The following SOX5 variants were observed in gnomAD, a reference collection of about 807,000 sequenced individuals.
SOX5 encodes transcription factor SOX-5.
In SOX5, 9 loss-of-function variants were observed where a neutral mutation model predicts 92.0. The observed-to-expected ratio is 0.10, with a 90% confidence interval of 0.06 to 0.17. The LOEUF (loss-of-function observed/expected upper bound fraction) is 0.17. SOX5 is among the 10% of genes least tolerant of loss of function. The pLI is 1.00. For missense variants in SOX5, 642 were observed against 944.5 expected (o/e 0.68, Z 4.20); for synonymous variants, 344 against 336.3 (o/e 1.02, Z -0.25).
At chr12:24,170,957 A>G (rs890442532) in intron 4 of SOX5, among the ~76,000 whole-genome samples, 3 of 152,130 alleles carry the variant, frequency 2.0e-5, no homozygotes, top group Admixed American at 6.5e-5. Flanking sequence ...GTGGCTTAGC[A>G]AATAGCTATC....
At chr12:23,870,857 T>C (rs902914359) in intron 2 of SOX5, among the ~76,000 whole-genome samples, 9 of 152,182 alleles carry the variant, frequency 5.9e-5, no homozygotes, top group African/African-American at 2.2e-4. Context: ...AGATTTACTA[T>C]GATGTAGTTT....
intron 3 of SOX5, among the ~76,000 whole-genome samples, chr12:23,763,146 G>C (rs2094610684): frequency 1.3e-5 from 2 of 152,078 alleles, no homozygotes; most frequent in African/African-American, 4.8e-5. Context: ...TAAGTTTTGT[G>C]CCCTTTGGCA....
chr12:23,573,214 T>G (rs1948633253), intron 10 of SOX5, among the ~76,000 whole-genome samples: 1 of 152,226 alleles, frequency 6.6e-6, no homozygotes, highest in Non-Finnish European at 1.5e-5. Flanking sequence ...TTTTAAAACC[T>G]GTCTCTACTT....
At chr12:23,997,794 G>C (rs964412402) in intron 4 of SOX5, among the ~76,000 whole-genome samples, 1 of 152,092 alleles carries the variant, frequency 6.6e-6, no homozygotes, top group Non-Finnish European at 1.5e-5. Context: ...ACCCTAGGAA[G>C]ACAGATTTTA....
chr12:24,361,652 TGCACGTGCGCAC>T (rs1477810570), intron 2 of SOX5, among the ~76,000 whole-genome samples: 1 of 151,698 alleles, frequency 6.6e-6, no homozygotes, highest in Non-Finnish European at 1.5e-5. Flanking sequence ...TGTGTGCGCA[TGCACGTGCGCAC>T]ACGCACATGT....
intron 1 of SOX5, among the ~76,000 whole-genome samples, chr12:24,490,888 A>G (rs563985692): frequency 1.3e-5 from 2 of 152,278 alleles, no homozygotes; most frequent in East Asian, 3.9e-4. Flanking sequence ...TCTAAAACAC[A>G]TGGCTAAAAA....
At chr12:23,769,653 A>G (rs889751812) in intron 3 of SOX5, among the ~76,000 whole-genome samples, 89 of 152,294 alleles carry the variant, frequency 5.8e-4, no homozygotes, top group African/African-American at 2.1e-3. Context: ...AGATGATAAG[A>G]TATATGTTGA....
intron 4 of SOX5, among the ~76,000 whole-genome samples, chr12:24,062,220 CA>C (rs35119116): frequency 6.6e-6 from 1 of 152,136 alleles, no homozygotes; most frequent in East Asian, 1.9e-4. Flanking sequence ...CCTCTCACTT[CA>C]AAAATCTATT....
intron 4 of SOX5, among the ~76,000 whole-genome samples, chr12:24,189,635 G>C (rs1056325095): frequency 3.3e-5 from 5 of 152,056 alleles, no homozygotes; most frequent in Admixed American, 2.0e-4. Flanking sequence ...ATATAGCAAG[G>C]CCCACAATTC....
At chr12:23,569,299 G>T (rs536648209) in intron 10 of SOX5, among the ~76,000 whole-genome samples, 24 of 152,204 alleles carry the variant, frequency 1.6e-4, no homozygotes, top group African/African-American at 4.6e-4. Flanking sequence ...AGTGCTTCAA[G>T]AAACATTTCA....
In SOX5 at chr12:23,875,334, G is replaced by A. The variant is rs184932640; in HGVS notation, c.270+20459C>T. On this transcript the variant is annotated intron_variant, in intron 2 of 14. Coordinates refer to ENST00000451604, the MANE Select transcript of SOX5 (RefSeq NM_006940.6). ...GAAAACTGTTTGTTTGTATCATTAG[G>A]AAAGTTGGCTGCTGAAAGGTTTTCA... 1.5e-3 allele frequency among the ~76,000 whole-genome samples: 232 copies of A among 152,264 alleles called. 1 individual carries two copies. The highest frequency in any genetic ancestry group is 5.4e-3 in the African/African-American group (225 of 41,560).
At chr12:23,611,913 G>T (rs2076008212) in intron 8 of SOX5, among the ~76,000 whole-genome samples, 2 of 148,524 alleles carry the variant, frequency 1.3e-5, no homozygotes, top group South Asian at 4.2e-4. Context: ...GGCACAAAAG[G>T]CATTTTAAAT....
intron 1 of SOX5, among the ~76,000 whole-genome samples, chr12:23,913,775 T>C (rs1337571063): frequency 6.6e-6 from 1 of 150,442 alleles, no homozygotes; most frequent in Non-Finnish European, 1.5e-5. Flanking sequence ...AAGCACTGAA[T>C]AGATTGACAA....
intron 3 of SOX5, among the ~76,000 whole-genome samples, chr12:23,764,016 G>C (rs1249831054): frequency 2.6e-5 from 4 of 152,030 alleles, no homozygotes; most frequent in African/African-American, 9.7e-5. Flanking sequence ...TCAGCAGCAT[G>C]TGGGTGGGGA....
chr12:23,598,657 C>T (rs1952901183), intron 9 of SOX5, among the ~76,000 whole-genome samples: 1 of 151,996 alleles, frequency 6.6e-6, no homozygotes, highest in South Asian at 2.1e-4. Context: ...CCTCGGCCTC[C>T]CAAAGTGCTG....
At chr12:24,426,975 C>T (rs527680121) in intron 1 of SOX5, among the ~76,000 whole-genome samples, 1 of 152,214 alleles carries the variant, frequency 6.6e-6, no homozygotes, top group South Asian at 2.1e-4. Flanking sequence ...AGTGAATCTG[C>T]CCTCTCTCTG....
chr12:23,879,103 G>C (rs1182578568), intron 2 of SOX5, among the ~76,000 whole-genome samples: 3 of 152,052 alleles, frequency 2.0e-5, no homozygotes, highest in African/African-American at 7.2e-5. Flanking sequence ...TTTAATATAT[G>C]AGTGTTCACA....
chr12:23,732,413 T>C (rs1038517147), intron 6 of SOX5, among the ~76,000 whole-genome samples: 5 of 152,128 alleles, frequency 3.3e-5, no homozygotes, highest in African/African-American at 9.6e-5. Context: ...CTTCTCCAAA[T>C]TAACAATTGA....
upstream of SOX5, among the ~76,000 whole-genome samples, chr12:23,951,463 G>A (rs904632732): frequency 1.3e-4 from 19 of 151,992 alleles, no homozygotes; most frequent in Admixed American, 6.5e-4. Flanking sequence ...CTGGAGACAG[G>A]CAAACAGTAA....
Sources: gnomAD v4.1 joint callset for allele counts (sites outside exome capture counted in the v4.1 genomes callset) on GRCh38, gnomAD v4.1.1 for gene constraint, MANE v1.5 for transcripts, NCBI Gene and HGNC (gene_info 2026-07-23, HGNC 2026-07-21) for gene names.